PAX2: variants seen among roughly 807,000 people sequenced by gnomAD.
PAX2 encodes paired box 2, also known as paired box protein Pax-2.
A neutral mutation model predicts 41.7 loss-of-function variants in PAX2; 9 were observed. That is an observed-to-expected ratio of 0.22 (90% CI 0.13 to 0.38). PAX2 has a LOEUF of 0.38. PAX2 is among the 10% of genes least tolerant of loss of function. The pLI, the probability that PAX2 is intolerant of heterozygous loss-of-function variation, is 1.00. For missense variants in PAX2, 418 were observed against 531.6 expected (o/e 0.79, Z 2.10); for synonymous variants, 221 against 212.7 (o/e 1.04, Z -0.34).
chr10:100,771,750 G>A (rs1293554888), intron 3 of PAX2, among the ~76,000 whole-genome samples: 2 of 152,132 alleles, frequency 1.3e-5, no homozygotes, highest in Admixed American at 6.5e-5. Flanking sequence ...AAAGACTTGT[G>A]TTGAAGCAAT....
chr10:100,805,698 G>T (rs531781984), intron 5 of PAX2, among the ~76,000 whole-genome samples: 1 of 152,310 alleles, frequency 6.6e-6, no homozygotes, highest in South Asian at 2.1e-4. Context: ...CCTGTAGGAG[G>T]CTTGAGCCTG....
chr10:100,749,522 C>G, intron 1 of PAX2: 1 of 1,350,350 alleles, frequency 7.4e-7, no homozygotes. Context: ...GTCGCAAGGC[C>G]TGAGTCGCCC....
chr10:100,743,429 G>C (rs1438100560), upstream of PAX2, among the ~76,000 whole-genome samples: 1 of 152,110 alleles, frequency 6.6e-6, no homozygotes, highest in East Asian at 1.9e-4. Context: ...TGTGGAAGGG[G>C]GGGGGTTTAC....
At chr10:100,756,272 G>A (rs1178800672) in intron 3 of PAX2, among the ~76,000 whole-genome samples, 1 of 152,172 alleles carries the variant, frequency 6.6e-6, no homozygotes, top group African/African-American at 2.4e-5. Context: ...TGATGAAAGA[G>A]CCCCATTGTC....
intron 4 of PAX2, 102 bp downstream of exon 4, chr10:100,779,685 G>C: frequency 1.1e-6 from 1 of 882,398 alleles, no homozygotes; most frequent in Non-Finnish European, 1.9e-6. Flanking sequence ...GAGGTCCAGA[G>C]CCCAACCTAT....
intron 5 of PAX2, among the ~76,000 whole-genome samples, chr10:100,798,620 G>A (rs183754671): frequency 1.1e-3 from 164 of 151,690 alleles, no homozygotes; most frequent in Non-Finnish European, 2.1e-3. Flanking sequence ...CCTCACTCCC[G>A]GAATCCCACT....
intron 3 of PAX2, among the ~76,000 whole-genome samples, chr10:100,778,069 A>G (rs1846465235): frequency 6.6e-6 from 1 of 152,186 alleles, no homozygotes; most frequent in African/African-American, 2.4e-5. Context: ...TACTGGGGAA[A>G]GAGACAGTGG....
At chr10:100,810,850 C>T (rs1178548424) in intron 7 of PAX2, among the ~76,000 whole-genome samples, 2 of 152,126 alleles carry the variant, frequency 1.3e-5, no homozygotes, top group Non-Finnish European at 2.9e-5. Flanking sequence ...TTGAGCAGCC[C>T]CCACCCGCCT....
At chr10:100,819,552 G>A (rs1277915344) in intron 7 of PAX2, among the ~76,000 whole-genome samples, 2 of 152,100 alleles carry the variant, frequency 1.3e-5, no homozygotes, top group East Asian at 1.9e-4. Flanking sequence ...CCTGGGTGAC[G>A]AGAGCGAGAC....
intron 7 of PAX2, among the ~76,000 whole-genome samples, chr10:100,816,628 C>A (rs527669192): frequency 6.6e-6 from 1 of 152,306 alleles, no homozygotes; most frequent in African/African-American, 2.4e-5. Context: ...GACAGGAAGA[C>A]CCCCCACTTT....
At chr10:100,818,328 T>G (rs1848257469) in intron 7 of PAX2, among the ~76,000 whole-genome samples, 1 of 152,232 alleles carries the variant, frequency 6.6e-6, no homozygotes, top group South Asian at 2.1e-4. Context: ...GGCTTCCTTT[T>G]TATTTCCTTG....
At chr10:100,777,576 G>A (rs1464458698) in intron 3 of PAX2, among the ~76,000 whole-genome samples, 1 of 151,904 alleles carries the variant, frequency 6.6e-6, no homozygotes, top group Admixed American at 6.6e-5. Flanking sequence ...TGTACTTTTA[G>A]TAGAGTCGAG....
chr10:100,802,433 G>C (rs757952203), intron 5 of PAX2, among the ~76,000 whole-genome samples: 1 of 152,228 alleles, frequency 6.6e-6, no homozygotes. Context: ...AGATGGGCAG[G>C]ATGGTGTTGC....
intron 1 of PAX2, chr10:100,747,917 TGGCTGCCCGCG>T (rs1845261816): frequency 1.0e-6 from 1 of 983,074 alleles, no homozygotes; most frequent in African/African-American, 1.8e-5. Flanking sequence ...CGCCGAGTCC[TGGCTGCCCGCG>T]GGCAGCCACT....
intron 5 of PAX2, among the ~76,000 whole-genome samples, chr10:100,795,215 T>A (rs1286102639): frequency 6.6e-6 from 1 of 152,232 alleles, no homozygotes; most frequent in East Asian, 1.9e-4. Context: ...AAATTATTTT[T>A]AAAAATCTGG....
intron 7 of PAX2, 70 bp downstream of exon 7, chr10:100,809,306 G>A: frequency 1.4e-6 from 2 of 1,467,082 alleles, no homozygotes; most frequent in Non-Finnish European, 1.9e-6. Flanking sequence ...GCCATCTGAG[G>A]CCCAGTGTGA....
At chr10:100,740,701 T>A (rs558486539), upstream of PAX2, among the ~76,000 whole-genome samples, 7 of 152,218 alleles carry the variant, frequency 4.6e-5, no homozygotes, top group East Asian at 1.4e-3. Context: ...GAAAACTGAG[T>A]CTCAAAGAAG....
chr10:100,800,783 A>T (rs1380705568), intron 5 of PAX2, among the ~76,000 whole-genome samples: 1 of 152,194 alleles, frequency 6.6e-6, no homozygotes, highest in Non-Finnish European at 1.5e-5. Flanking sequence ...GCCCAGCTCC[A>T]GGGCCACCCA....
At chr10:100,792,787 A>G (rs1443560767) in intron 5 of PAX2, among the ~76,000 whole-genome samples, 2 of 145,478 alleles carry the variant, frequency 1.4e-5, no homozygotes, top group Non-Finnish European at 3.0e-5. Flanking sequence ...GTTGATTTGC[A>G]TGTCAGGCAA....
Sources: allele counts gnomAD v4.1 joint callset (sites outside exome capture counted in the v4.1 genomes callset), GRCh38; gene constraint gnomAD v4.1.1; transcripts MANE v1.5; gene names NCBI Gene and HGNC (gene_info 2026-07-23, HGNC 2026-07-21).